The following LCA5 variants were observed in gnomAD, a reference collection of about 807,000 sequenced individuals.
LCA5 encodes the protein lebercilin LCA5.
Under a neutral mutation model 53.0 loss-of-function variants are expected in LCA5, and 37 were observed. The ratio of observed to expected loss-of-function variants is 0.70; its 90% CI spans 0.54 to 0.92. The LOEUF is 0.92. LCA5 is among the 40% of genes least tolerant of loss of function. LCA5 has a pLI of 0.00. For synonymous variants in LCA5, 303 were observed against 282.9 expected (o/e 1.07, Z -0.71); for missense variants, 806 against 790.5 (o/e 1.02, Z -0.23).
chr6:79,513,368 C>G lies in LCA5; in HGVS notation c.564G>C (p.Arg188Ser). 6.2e-7 allele frequency: 1 copy of G among 1,613,722 alleles called. No homozygotes were observed. The highest frequency in any genetic ancestry group is 8.5e-7 in the Non-Finnish European group (1 of 1,179,862). ...SQEKERATEK[R>S]VKDTESELFR... ...ATAGTTCACTTTCTGTATCTTTTAC[C>G]CTTTTCTCAGTTGCCCGTTCTTTCT... The change falls in exon 3 of 8, where the codon AGG becomes AGC. Residue 188 changes from arginine to serine, a missense_variant. Arg to Ser is a moderately radical substitution (Grantham distance 110). Coordinates refer to ENST00000369846, the MANE Select transcript of LCA5 (RefSeq NM_001122769.3).
intron 3 of LCA5, among the ~76,000 whole-genome samples, chr6:79,509,228 G>A (rs2127677310): frequency 6.6e-6 from 1 of 152,278 alleles, no homozygotes; most frequent in African/African-American, 2.4e-5. Context: ...GCCGAGGTGG[G>A]TGGATCACCT....
chr6:79,492,352 A>T (rs1005149298), intron 5 of LCA5, among the ~76,000 whole-genome samples, 199 bp downstream of exon 5: 4 of 151,886 alleles, frequency 2.6e-5, no homozygotes, highest in African/African-American at 9.7e-5. Flanking sequence ...CAATTTTAAC[A>T]GCGTCACTTC....
chr6:79,489,264 G>A (rs745785508), intron 6 of LCA5, 48 bp from the exon 7 acceptor site: 3 of 1,580,614 alleles, frequency 1.9e-6, no homozygotes, highest in East Asian at 2.2e-5. Flanking sequence ...TAGAAAAGGG[G>A]GGGAACTAAG....
At chr6:79,494,253 C>A (rs573540674) in intron 3 of LCA5, among the ~76,000 whole-genome samples, 1 of 151,838 alleles carries the variant, frequency 6.6e-6, no homozygotes, top group African/African-American at 2.4e-5. Flanking sequence ...AAATCTTAAG[C>A]ACACACACAT....
intron 1 of LCA5, 150 bp downstream of exon 1, chr6:79,537,015 C>T (rs1451050763): frequency 2.6e-5 from 4 of 152,588 alleles, no homozygotes; most frequent in Admixed American, 2.0e-4. Context: ...CATCCTCCCC[C>T]ATCCCTAATC....
At chr6:79,490,168 C>CAA (rs1477046744) in intron 6 of LCA5, among the ~76,000 whole-genome samples, 1 of 152,130 alleles carries the variant, frequency 6.6e-6, no homozygotes, top group East Asian at 1.9e-4. Context: ...TTGAGCCACT[C>CAA]TATTAAGTCT....
intron 3 of LCA5, among the ~76,000 whole-genome samples, chr6:79,499,645 A>T (rs893729513): frequency 6.6e-6 from 1 of 151,964 alleles, no homozygotes; most frequent in African/African-American, 2.4e-5. Flanking sequence ...TTCGGCTGGC[A>T]GGACTATGGA....
chr6:79,496,440 G>T (rs1769986652), intron 3 of LCA5, among the ~76,000 whole-genome samples: 1 of 152,124 alleles, frequency 6.6e-6, no homozygotes, highest in Non-Finnish European at 1.5e-5. Context: ...CAATGGGATG[G>T]ATTAATGGAT....
intron 7 of LCA5, 157 bp from the exon 8 acceptor site, chr6:79,488,023 G>T: frequency 1.6e-6 from 1 of 634,792 alleles, no homozygotes; most frequent in Non-Finnish European, 2.7e-6. Flanking sequence ...TTGATATTCT[G>T]GGATTAGAGA....
chr6:79,537,791 A>C (rs1409772306), upstream of LCA5, among the ~76,000 whole-genome samples: 4 of 152,142 alleles, frequency 2.6e-5, no homozygotes, highest in Non-Finnish European at 2.9e-5. Flanking sequence ...TTCCTTTGGG[A>C]AATAACTTGC....
In LCA5 at chr6:79,531,410, T is replaced by G. The variant is rs978547441; in HGVS notation, c.-192+5755A>C. ...AGGTGCTAATGAAGCTGATGCTTGA[T>G]TCCATGTTCTGTTGCATCTGCAACC... On this transcript the variant is annotated intron_variant, in intron 1 of 7. Transcript: ENST00000369846. Among the ~76,000 whole-genome samples, 4 of 152,198 alleles carry G rather than the reference T, an allele frequency of 2.6e-5. No homozygotes were observed. In the South Asian group the frequency reaches 6.2e-4, roughly 24 times the overall value.
intron 1 of LCA5, among the ~76,000 whole-genome samples, chr6:79,521,199 T>C (rs1275507428): frequency 3.3e-5 from 5 of 152,336 alleles, no homozygotes; most frequent in African/African-American, 4.8e-5. Flanking sequence ...GGAAAAGGGA[T>C]AGAAGCTAGG....
chr6:79,493,703 C>A lies in LCA5; in HGVS notation c.768G>T (p.Gln256His). Reference protein sequence around the residue: ...LELSTNSFQRQLLAERKRAYE... With the variant: ...LELSTNSFQRHLLAERKRAYE... ...ATGCCCTTTTCCTTTCAGCAAGCAA[C>A]TGTCGTTGGAAACTGTTAGTACTCA... Residue 256 changes from glutamine to histidine, a missense_variant, in exon 4 of 8, where the codon CAG becomes CAT. By Grantham distance (24) the Gln-to-His change is conservative (BLOSUM62 0). Coordinates refer to ENST00000369846, the MANE Select transcript of LCA5 (RefSeq NM_001122769.3). The A allele has an allele frequency of 1.2e-6, 2 of 1,613,714 alleles. No homozygotes were observed. Among genetic ancestry groups the A allele is most frequent in the Non-Finnish European group, 1.7e-6 (2 of 1,179,780 alleles).
At chr6:79,520,286 G>A (rs1766589136) in intron 1 of LCA5, among the ~76,000 whole-genome samples, 2 of 151,382 alleles carry the variant, frequency 1.3e-5, no homozygotes, top group African/African-American at 4.9e-5. Flanking sequence ...CTGTATTTAA[G>A]GAAAATGCTT....
At chr6:79,489,284 T>C in intron 6 of LCA5, 68 bp from the exon 7 acceptor site, 2 of 1,486,800 alleles carry the variant, frequency 1.3e-6, no homozygotes, top group Non-Finnish European at 1.9e-6. Context: ...GCAACACAGA[T>C]TTATCCATTA....
intron 3 of LCA5, among the ~76,000 whole-genome samples, chr6:79,509,689 G>A (rs574997731): frequency 1.3e-4 from 20 of 152,068 alleles, no homozygotes; most frequent in African/African-American, 4.1e-4. Flanking sequence ...ACAAAAATAA[G>A]CTTTGACATT....
At chr6:79,509,432 C>G (rs189128723) in intron 3 of LCA5, among the ~76,000 whole-genome samples, 32 of 138,800 alleles carry the variant, frequency 2.3e-4, no homozygotes, top group African/African-American at 8.4e-4. Flanking sequence ...CCAGCCTGGG[C>G]GACAGAGTGA....
intron 2 of LCA5, among the ~76,000 whole-genome samples, chr6:79,515,118 G>A (rs1199138897): frequency 6.6e-6 from 1 of 152,052 alleles, no homozygotes; most frequent in Admixed American, 6.6e-5. Flanking sequence ...ATTATACAGC[G>A]AGATTTGTGG....
At chr6:79,538,018 G>GTTTTTTTTTTTTTTTTTTTTTTT (rs869197362), upstream of LCA5, among the ~76,000 whole-genome samples, 2 of 44,146 alleles carry the variant, frequency 4.5e-5, no homozygotes, top group Non-Finnish European at 8.5e-5. Flanking sequence ...TTGCACACAA[G>GTTTTTTTTTTTTTTTTTTTTTTT]TTTTTTTTTT....
Sources: allele counts gnomAD v4.1 joint callset (sites outside exome capture counted in the v4.1 genomes callset), GRCh38; gene constraint gnomAD v4.1.1; transcripts MANE v1.5; gene names NCBI Gene and HGNC (gene_info 2026-07-23, HGNC 2026-07-21).